Variants in LPA observed in about 807,000 individuals in gnomAD.
The protein encoded by LPA is apolipoprotein(a).
In LPA, 199 loss-of-function variants were observed where a neutral mutation model predicts 197.9. That is an observed-to-expected ratio of 1.01 (90% CI 0.90 to 1.13). The LOEUF (loss-of-function observed/expected upper bound fraction) is 1.13, where lower values mean the gene tolerates loss of function less well. Ranked by LOEUF, LPA falls within the 50% of genes most tolerant of loss-of-function variation. LPA has a pLI of 0.00. For synonymous variants in LPA, 715 were observed against 639.5 expected (o/e 1.12, Z -1.78); for missense variants, 1,853 against 1,785.8 (o/e 1.04, Z -0.68).
intron 26 of LPA, among the ~76,000 whole-genome samples, chr6:160,584,170 T>TTTCTTCTTCTTCTTCTTC (rs56164694): frequency 1.1e-4 from 11 of 103,168 alleles, no homozygotes; most frequent in East Asian, 2.8e-4. Context: ...TCATTTCTAT[T>TTTCTTCTTCTTCTTCTTC]TTCTTCTTCT....
chr6:160,649,575 T>C (rs186170332), intron 2 of LPA, among the ~76,000 whole-genome samples: 50 of 152,148 alleles, frequency 3.3e-4, no homozygotes, highest in Admixed American at 2.5e-3. Flanking sequence ...GCAGGAAGGG[T>C]CTCCAGGAAG....
Position 160,537,854 on chromosome 6 carries a change from C to A in LPA, c.5842+1G>T. 1 of 1,613,800 alleles carries A rather than the reference C, an allele frequency of 6.2e-7. No individual in the cohort carries two copies. The highest frequency in any genetic ancestry group is 8.5e-7 in the Non-Finnish European group (1 of 1,179,696). ...TACGTGGGCAATGGAATTGATCTCACCTTGGGTTTCTCCCCAGCCAGTGAT... is the reference window on the plus strand; with the variant it reads ...TACGTGGGCAATGGAATTGATCTCAACTTGGGTTTCTCCCCAGCCAGTGAT... On this transcript the variant is annotated splice_donor_variant, in intron 37 of 38. Transcript: ENST00000316300. LOFTEE classifies it high-confidence loss of function.
At chr6:160,604,965 AC>A (rs1410817049) in intron 18 of LPA, 80 bp downstream of exon 18, 18 of 1,591,510 alleles carry the variant, frequency 1.1e-5, no homozygotes, top group African/African-American at 5.4e-5. Context: ...TGAGTCCTGA[AC>A]ACTCAGCTTG....
intron 30 of LPA, among the ~76,000 whole-genome samples, chr6:160,555,643 C>G (rs1778250437): frequency 6.6e-6 from 1 of 151,284 alleles, no homozygotes; most frequent in Admixed American, 6.6e-5. Context: ...TGACCCATGA[C>G]AAAAATGGCA....
intron 30 of LPA, among the ~76,000 whole-genome samples, chr6:160,552,227 G>A (rs762896402): frequency 3.3e-5 from 5 of 152,098 alleles, no homozygotes; most frequent in Non-Finnish European, 5.9e-5. Context: ...CACATGTCTT[G>A]ATTCCTGTAC....
At chr6:160,595,159 C>T (rs1272307411) in intron 21 of LPA, among the ~76,000 whole-genome samples, 195 bp downstream of exon 21, 1 of 152,150 alleles carries the variant, frequency 6.6e-6, no homozygotes, top group Non-Finnish European at 1.5e-5. Flanking sequence ...AGATACCACC[C>T]TTTCACAGGG....
intron 37 of LPA, among the ~76,000 whole-genome samples, chr6:160,534,084 T>C (rs1012675556): frequency 6.6e-6 from 1 of 151,564 alleles, no homozygotes; most frequent in Non-Finnish European, 1.5e-5. Context: ...ATCATTGTCT[T>C]CGGTGTCAGA....
intron 23 of LPA, among the ~76,000 whole-genome samples, chr6:160,590,466 T>G (rs753128872): frequency 3.9e-5 from 6 of 152,146 alleles, no homozygotes; most frequent in Non-Finnish European, 8.8e-5. Flanking sequence ...TACTGTTACC[T>G]AGACCCAGGA....
In LPA at chr6:160,585,020, T is replaced by A. The variant is rs978814595; in HGVS notation, c.4289+26A>T. 3.7e-6 allele frequency: 6 copies of A among 1,612,704 alleles called. No individual in the cohort carries two copies. In the African/African-American group the frequency reaches 5.3e-5, roughly 14 times the overall value. ...AGAAATTTTAGTTGACTATTGTTCC[T>A]TTTATGGCTAACATGATAGACATAC... On this transcript the variant is annotated intron_variant, in intron 26 of 38. Coordinates refer to ENST00000316300, the MANE Select transcript of LPA (RefSeq NM_005577.4).
chr6:160,548,452 G>C, intron 31 of LPA, 26 bp downstream of exon 31: 1 of 1,610,736 alleles, frequency 6.2e-7, no homozygotes, highest in Middle Eastern at 1.7e-4. Context: ...GTATGTGCTA[G>C]ACAAGGTAAG....
chr6:160,545,559 C>T (rs375560425), intron 32 of LPA, 26 bp from the exon 33 acceptor site: 129 of 1,364,608 alleles, frequency 9.5e-5, no homozygotes, highest in Non-Finnish European at 1.3e-4. Context: ...CATGTAAGCT[C>T]CAGCTCACGT....
intron 26 of LPA, among the ~76,000 whole-genome samples, chr6:160,582,421 G>T (rs1583595127): frequency 6.6e-6 from 1 of 150,378 alleles, no homozygotes; most frequent in Non-Finnish European, 1.5e-5. Flanking sequence ...ATTTGATCTT[G>T]TTTTCCTCCT....
intron 36 of LPA, among the ~76,000 whole-genome samples, chr6:160,539,025 C>A (rs1562314273): frequency 6.6e-6 from 1 of 152,184 alleles, no homozygotes; most frequent in African/African-American, 2.4e-5. Flanking sequence ...CAGAAAGGCC[C>A]TTCTCTCCTT....
In LPA at chr6:160,599,602, T is replaced by TA; in HGVS notation, c.3184dup (p.Tyr1062LeufsTer26). The stretch of plus-strand genomic sequence containing the variant: ...GACAGTGGTGGAGTATGTGCCTCGG[T>TA]AACTCTGTCCATAATGGTAGTAGCA... On this transcript the variant is annotated frameshift_variant, in exon 20 of 39. Coordinates refer to ENST00000316300, the MANE Select transcript of LPA (RefSeq NM_005577.4). LOFTEE classifies it high-confidence loss of function. 6.2e-7 allele frequency: 1 copy of TA among 1,614,114 alleles called. No homozygotes were observed. The highest frequency in any genetic ancestry group is 8.5e-7 in the Non-Finnish European group (1 of 1,179,976).
intron 37 of LPA, among the ~76,000 whole-genome samples, chr6:160,535,702 G>T (rs1777884891): frequency 6.6e-6 from 1 of 152,148 alleles, no homozygotes; most frequent in Admixed American, 6.6e-5. Flanking sequence ...TGTTGATGGG[G>T]ATGATGGTGG....
intron 30 of LPA, among the ~76,000 whole-genome samples, chr6:160,553,212 A>C (rs1454317977): frequency 6.6e-6 from 1 of 152,204 alleles, no homozygotes; most frequent in South Asian, 2.1e-4. Flanking sequence ...TCCTTTAAAT[A>C]CATTTAAAAA....
At chr6:160,591,358 A>G (rs1346699708) in intron 22 of LPA, among the ~76,000 whole-genome samples, 4 of 152,218 alleles carry the variant, frequency 2.6e-5, no homozygotes, top group Admixed American at 6.5e-5. Context: ...ATCAATGTGT[A>G]CAAGAAAGGA....
At chr6:160,660,986 CA>C (rs1440939871) in intron 1 of LPA, among the ~76,000 whole-genome samples, 1 of 152,094 alleles carries the variant, frequency 6.6e-6, no homozygotes, top group Non-Finnish European at 1.5e-5. Context: ...CAAATCTGTT[CA>C]AAAGCTGCTT....
chr6:160,597,432 C>G (rs7771129), intron 20 of LPA, among the ~76,000 whole-genome samples: 61,130 of 152,066 alleles, frequency 0.4, 12,614 homozygotes, highest in African/African-American at 0.49. Flanking sequence ...TTTCAATGCT[C>G]GTGTGGCTCT....
Sources: allele counts gnomAD v4.1 joint callset (sites outside exome capture counted in the v4.1 genomes callset), GRCh38; gene constraint gnomAD v4.1.1; transcripts MANE v1.5; gene names NCBI Gene and HGNC (gene_info 2026-07-23, HGNC 2026-07-21).